The following TP53I11 variants were observed in gnomAD, a reference collection of about 807,000 sequenced individuals.
The protein encoded by TP53I11 is tumor protein p53-inducible protein 11.
TP53I11 carries 9 observed loss-of-function variants against 23.3 expected under a neutral mutation model. The observed-to-expected ratio is 0.39, with a 90% CI of 0.23 to 0.67. TP53I11 has a LOEUF of 0.67. Among genes scored for constraint, TP53I11 ranks in the 30% least tolerant of loss-of-function variants. The pLI is 0.48. For missense variants in TP53I11, 170 were observed against 255.2 expected, an observed-to-expected ratio of 0.67 and a Z score of 2.27; for synonymous variants, 100 against 106.1, an observed-to-expected ratio of 0.94 and a Z score of 0.35.
chr11:44,942,155 CCACCATACACAATGCACACACAAA>C (rs1861883991), intron 1 of TP53I11, among the ~76,000 whole-genome samples: 6 of 147,290 alleles, frequency 4.1e-5, no homozygotes, highest in South Asian at 2.2e-4. Flanking sequence ...TCACACACAC[CCACCATACACAATGCACACACAAA>C]ACACACACAC....
At chr11:44,950,053 G>GCCCAGGGCCCCTGCC (rs1425188494) in intron 1 of TP53I11, 3 of 152,276 alleles carry the variant, frequency 2.0e-5, no homozygotes, top group Non-Finnish European at 4.4e-5. Flanking sequence ...GGGTTCTCCG[G>GCCCAGGGCCCCTGCC]CCCAGGGCCC....
At chr11:44,943,816 G>A (rs1366226672) in intron 1 of TP53I11, among the ~76,000 whole-genome samples, 3 of 152,146 alleles carry the variant, frequency 2.0e-5, no homozygotes, top group African/African-American at 2.4e-5. Flanking sequence ...GTGCTCCTCC[G>A]TGTATCTCCC....
intron 1 of TP53I11, among the ~76,000 whole-genome samples, chr11:44,942,936 T>TCC (rs934770849): frequency 1.1e-4 from 16 of 152,126 alleles, no homozygotes; most frequent in African/African-American, 3.6e-4. Flanking sequence ...TGACCTTTCC[T>TCC]CCCCTTCAGG....
intron 1 of TP53I11, among the ~76,000 whole-genome samples, chr11:44,944,945 C>T (rs918284891): frequency 2.0e-5 from 3 of 152,234 alleles, no homozygotes; most frequent in African/African-American, 7.2e-5. Flanking sequence ...TCCCAGGAAG[C>T]CTGGTTTCTA....
At chr11:44,949,449 C>T (rs1298179949) in intron 1 of TP53I11, among the ~76,000 whole-genome samples, 1 of 152,168 alleles carries the variant, frequency 6.6e-6, no homozygotes, top group Non-Finnish European at 1.5e-5. Context: ...GTGAGGGGGC[C>T]TTGGCCAGCC....
At chr11:44,943,864 C>T (rs1862140425) in intron 1 of TP53I11, among the ~76,000 whole-genome samples, 1 of 152,216 alleles carries the variant, frequency 6.6e-6, no homozygotes, top group Non-Finnish European at 1.5e-5. Flanking sequence ...TTTGTCAACA[C>T]AGGTGGAATG....
chr11:44,938,501 G>A, intron 1 of TP53I11, 135 bp from the exon 2 acceptor site: 1 of 1,050,028 alleles, frequency 9.5e-7, no homozygotes, highest in Non-Finnish European at 1.3e-6. Flanking sequence ...GGCAGTAGGG[G>A]GAGTACAGCT....
chr11:44,945,268 G>A (rs187616885), intron 1 of TP53I11, among the ~76,000 whole-genome samples: 2 of 152,240 alleles, frequency 1.3e-5, no homozygotes, highest in East Asian at 3.9e-4. Context: ...GAGGAGCGGG[G>A]CAAGTACTTC....
Position 44,938,382 on chromosome 11 carries a change from G to A in TP53I11, c.-31-16C>T, listed in dbSNP as rs750276712. ...TGCAGAAGGGCTGAGGGGAGACACC[G>A]GCCTCAGGCCACAGTTCCTACCCAG... On this transcript the variant is annotated splice_polypyrimidine_tract_variant and intron_variant, in intron 1 of 6. Transcript: ENST00000525680. The A allele has an allele frequency of 1.1e-5, 17 of 1,516,354 alleles. No homozygotes were observed. Among genetic ancestry groups the A allele is most frequent in the South Asian group, 6.4e-5 (5 of 77,786 alleles). The allele number at this position is 1,516,354 out of a possible 1,614,324, so 93.9% of individuals were successfully genotyped here.
chr11:44,937,443 G>T, intron 3 of TP53I11, 91 bp from the exon 4 acceptor site: 1 of 1,507,704 alleles, frequency 6.6e-7, no homozygotes, highest in South Asian at 1.3e-5. Context: ...TTTGGGGAAG[G>T]TAATGAGACA....
rs1269737555 is a variant in TP53I11, at chr11:44,936,006, T to C, written c.335-344A>G. On this transcript the variant is annotated intron_variant, in intron 5 of 6. Transcript: ENST00000525680. This position sits in a 1 kb window ranked among gnomAD's most constrained non-coding sequence, Gnocchi z 4.4. ...CGGTTCTGTCAGGAGGATGCTGTGT[T>C]CATGGAGTTCATGAGTTAATGGGTT... The C allele has an allele frequency of 1.6e-5, 6 of 386,112 alleles. No individual in the cohort carries two copies. Among genetic ancestry groups the C allele is most frequent in the Non-Finnish European group, 2.8e-5 (6 of 213,910 alleles). 23.9% of individuals were successfully genotyped at this position (386,112 alleles called of 1,614,324 possible). A position where few individuals can be genotyped will look rare whatever the true frequency, so the allele number is the denominator to read the frequency against.
intron 1 of TP53I11, chr11:44,947,151 C>A (rs1363652545): frequency 8.8e-6 from 4 of 455,472 alleles, no homozygotes; most frequent in African/African-American, 8.0e-5. Flanking sequence ...ATCAGGCCCT[C>A]TGATGGCCTC....
chr11:44,936,501 G>A lies in TP53I11; in HGVS notation c.334+302C>T. ...CTCCTCTAGGCTGTGAATTCCTAGA[G>A]GCTGGGCCTGGGCTTCCTCCATCTC... is the stretch of plus-strand genomic sequence containing the variant. On this transcript the variant is annotated intron_variant, in intron 5 of 6. Transcript: ENST00000525680. This position sits in a 1 kb window ranked among gnomAD's most constrained non-coding sequence, Gnocchi z 4.4. 1.6e-6 allele frequency: 2 copies of A among 1,242,166 alleles called. No homozygotes were observed. The highest frequency in any genetic ancestry group is 3.8e-5 in the South Asian group (1 of 26,572). The allele number at this position is 1,242,166 out of a possible 1,614,324, so 76.9% of individuals were successfully genotyped here.
At chr11:44,942,429 TACACACAC>T (rs56662172) in intron 1 of TP53I11, among the ~76,000 whole-genome samples, 6,163 of 146,072 alleles carry the variant, frequency 0.042, 237 homozygotes, top group African/African-American at 0.1. Context: ...ACACACACCA[TACACACAC>T]ACACACACAC....
At chr11:44,941,109 G>C (rs1437025877) in intron 1 of TP53I11, 1 of 152,182 alleles carries the variant, frequency 6.6e-6, no homozygotes, top group Non-Finnish European at 1.5e-5. Flanking sequence ...GAAAAGCTCA[G>C]AGCACTCAGC....
intron 1 of TP53I11, among the ~76,000 whole-genome samples, chr11:44,948,800 C>T (rs570363592): frequency 6.6e-6 from 1 of 152,192 alleles, no homozygotes; most frequent in Non-Finnish European, 1.5e-5. Flanking sequence ...CCCCCTCCTC[C>T]CCCATACCCC....
At chr11:44,939,732 GA>G (rs35584431) in intron 1 of TP53I11, among the ~76,000 whole-genome samples, 119,234 of 152,158 alleles carry the variant, frequency 0.78, 47,352 homozygotes, top group South Asian at 0.86. Context: ...GTCGCATTGG[GA>G]AAAAAAACTG....
At chr11:44,937,417 C>T (rs1316785507) in intron 3 of TP53I11, 65 bp from the exon 4 acceptor site, 10 of 1,488,796 alleles carry the variant, frequency 6.7e-6, no homozygotes, top group Non-Finnish European at 9.0e-6. Flanking sequence ...CAGCCCAGAT[C>T]CCCAGGGATG....
At chr11:44,944,604 C>T (rs1232995110) in intron 1 of TP53I11, among the ~76,000 whole-genome samples, 4 of 152,120 alleles carry the variant, frequency 2.6e-5, no homozygotes, top group East Asian at 1.9e-4. Flanking sequence ...AGGTGGTAAG[C>T]ATATTTGTAA....
Sources: allele counts gnomAD v4.1 joint callset (sites outside exome capture counted in the v4.1 genomes callset), GRCh38; gene constraint gnomAD v4.1.1; non-coding constraint Gnocchi (gnomAD v3.1); transcripts MANE v1.5; gene names NCBI Gene and HGNC (gene_info 2026-07-23, HGNC 2026-07-21).